The following SLC38A11 variants were observed in gnomAD, a reference collection of about 807,000 sequenced individuals.
SLC38A11 encodes solute carrier family 38 member 11.
Under a neutral mutation model 49.4 loss-of-function variants are expected in SLC38A11, and 51 were observed. That is an observed-to-expected ratio of 1.03 (90% CI 0.83 to 1.30). The LOEUF is 1.30. Ranked by LOEUF, SLC38A11 falls within the 50% of genes most tolerant of loss-of-function variation. The probability of loss-of-function intolerance (pLI) is 0.00; values close to 1 mark genes in which losing one functional copy is unlikely to be tolerated. For missense variants in SLC38A11, 574 were observed against 556.2 expected, an observed-to-expected ratio of 1.03 and a Z score of -0.32; for synonymous variants, 203 against 192.9, an observed-to-expected ratio of 1.05 and a Z score of -0.43.
At chr2:164,944,927 G>A (rs965788512) in intron 4 of SLC38A11, among the ~76,000 whole-genome samples, 1 of 152,110 alleles carries the variant, frequency 6.6e-6, no homozygotes, top group Non-Finnish European at 1.5e-5. Context: ...TGTTGTTAAA[G>A]TTCAGTTTCC....
chr2:164,944,639 A>G lies in SLC38A11; in HGVS notation c.365-5T>C. The G allele has an allele frequency of 8.4e-7, 1 of 1,186,208 alleles. No individual in the cohort carries two copies. The allele number at this position is 1,186,208 out of a possible 1,614,324, so 73.5% of individuals were successfully genotyped here. ...TTATATTGTAACTTATCATTGCTAA[A>G]AACATAATTAAAATAAGAGTCATCA... On this transcript the variant is annotated splice_region_variant and splice_polypyrimidine_tract_variant and intron_variant, in intron 4 of 11. Transcript: ENST00000685975.
chr2:164,902,696 A>T (rs1684738669), intron 11 of SLC38A11, among the ~76,000 whole-genome samples: 1 of 152,126 alleles, frequency 6.6e-6, no homozygotes. Flanking sequence ...CACACCAGTT[A>T]ATAAAATTAC....
chr2:164,937,226 C>G (rs1687431134), intron 7 of SLC38A11, 124 bp downstream of exon 7: 1 of 678,722 alleles, frequency 1.5e-6, no homozygotes, highest in Non-Finnish European at 2.5e-6. Flanking sequence ...CTCATTTTGT[C>G]AAATACCAAA....
intron 11 of SLC38A11, among the ~76,000 whole-genome samples, chr2:164,904,761 A>G (rs1372005545): frequency 1.3e-5 from 2 of 152,172 alleles, no homozygotes; most frequent in African/African-American, 2.4e-5. Context: ...AAGTCTATCC[A>G]TATGTATCAT....
At position 164,955,305 on chromosome 2, in the gene SLC38A11, C is replaced by A; in HGVS notation, c.-58G>T. On this transcript the variant is annotated 5_prime_UTR_variant, in exon 1 of 12. Coordinates refer to ENST00000685975, the MANE Select transcript of SLC38A11 (RefSeq NM_001351537.2). The stretch of plus-strand genomic sequence containing the variant: ...GCTGGGGCTGGGTACGGATTCGCAC[C>A]CGGCCAGCCTCCTCCGCCACCTCGC... 1.3e-6 allele frequency: 2 copies of A among 1,490,760 alleles called. No individual in the cohort carries two copies. The highest frequency in any genetic ancestry group is 1.8e-6 in the Non-Finnish European group (2 of 1,092,696). 92.3% of individuals were successfully genotyped at this position (1,490,760 alleles called of 1,614,324 possible).
chr2:164,908,670 A>G lies in SLC38A11; in HGVS notation c.1065T>C (p.Ile355=), dbSNP rs201404860. 6.2e-7 allele frequency: 1 copy of G among 1,605,730 alleles called. No homozygotes were observed. The highest frequency in any genetic ancestry group is 8.5e-7 in the Non-Finnish European group (1 of 1,175,490). The change falls in exon 11 of 12, where the codon ATT becomes ATC. Residue 355 remains isoleucine, a synonymous_variant. Transcript: ENST00000685975. The part of the protein sequence containing the change: ...ITVATLVSLL[I]DCLGIVLELN... ...GTTCTAGAACTATCCCGAGGCAATC[A>G]ATCAGCAATGACACAAGCGTGGCTA...
intron 7 of SLC38A11, among the ~76,000 whole-genome samples, chr2:164,933,625 C>T (rs1687160203): frequency 6.6e-6 from 1 of 151,980 alleles, no homozygotes; most frequent in African/African-American, 2.4e-5. Flanking sequence ...AGATCTTTTT[C>T]AAACACCACT....
intron 7 of SLC38A11, among the ~76,000 whole-genome samples, chr2:164,926,577 A>G (rs981863842): frequency 6.6e-6 from 1 of 151,870 alleles, no homozygotes; most frequent in African/African-American, 2.4e-5. Flanking sequence ...TGTTTACTGC[A>G]ACACTATTCA....
chr2:164,927,347 T>C (rs1164790547), intron 7 of SLC38A11, among the ~76,000 whole-genome samples: 1 of 152,194 alleles, frequency 6.6e-6, no homozygotes, highest in Non-Finnish European at 1.5e-5. Context: ...TTTGTTACTG[T>C]AGCATAGAAA....
At chr2:164,926,704 T>G (rs1686613861) in intron 7 of SLC38A11, among the ~76,000 whole-genome samples, 1 of 151,968 alleles carries the variant, frequency 6.6e-6, no homozygotes, top group South Asian at 2.1e-4. Context: ...TGAGTTCATG[T>G]CCTTTGTAGG....
intron 7 of SLC38A11, among the ~76,000 whole-genome samples, chr2:164,924,830 G>A (rs903690319): frequency 6.6e-6 from 1 of 152,056 alleles, no homozygotes; most frequent in Non-Finnish European, 1.5e-5. Context: ...TGCCTCCTGG[G>A]TTCACGCCAT....
intron 4 of SLC38A11, 35 bp downstream of exon 4, chr2:164,945,558 C>T: frequency 2.6e-6 from 4 of 1,563,026 alleles, no homozygotes; most frequent in Non-Finnish European, 3.4e-6. Context: ...TGCTTATGCA[C>T]ATAATTGCAA....
At chr2:164,911,205 C>T (rs553270531) in intron 10 of SLC38A11, among the ~76,000 whole-genome samples, 31 of 152,140 alleles carry the variant, frequency 2.0e-4, no homozygotes, top group Non-Finnish European at 1.5e-5. Flanking sequence ...GTAGATTCTA[C>T]AGTGCCTTTA....
intron 7 of SLC38A11, among the ~76,000 whole-genome samples, chr2:164,930,947 G>T (rs541315198): frequency 1.8e-4 from 27 of 152,114 alleles, no homozygotes. Context: ...ATGCAAATAA[G>T]TAGAGAGGAA....
At chr2:164,927,497 C>T (rs1156691776) in intron 7 of SLC38A11, among the ~76,000 whole-genome samples, 1 of 151,984 alleles carries the variant, frequency 6.6e-6, no homozygotes, top group Non-Finnish European at 1.5e-5. Context: ...CAAAGGAGGG[C>T]CTTTATTTTT....
intron 7 of SLC38A11, among the ~76,000 whole-genome samples, chr2:164,920,947 T>C (rs1278481103): frequency 6.6e-6 from 1 of 151,118 alleles, no homozygotes; most frequent in Non-Finnish European, 1.5e-5. Flanking sequence ...GTAACAAAAA[T>C]GATCAAATTC....
intron 9 of SLC38A11, among the ~76,000 whole-genome samples, chr2:164,914,247 G>T (rs941328722): frequency 6.6e-6 from 1 of 151,966 alleles, no homozygotes; most frequent in African/African-American, 2.4e-5. Context: ...TAATAGACCT[G>T]CAAGAGCTGT....
At chr2:164,925,069 G>T (rs1686474588) in intron 7 of SLC38A11, among the ~76,000 whole-genome samples, 1 of 152,144 alleles carries the variant, frequency 6.6e-6, no homozygotes, top group Non-Finnish European at 1.5e-5. Flanking sequence ...TTTAAAATAT[G>T]AATCATATAA....
At chr2:164,913,169 T>A (rs116286256) in intron 9 of SLC38A11, among the ~76,000 whole-genome samples, 2,374 of 151,818 alleles carry the variant, frequency 0.016, 60 homozygotes, top group African/African-American at 0.055. Context: ...CTCTCACCCC[T>A]CCCCCCATCA....
Sources: gnomAD v4.1 joint callset for allele counts (sites outside exome capture counted in the v4.1 genomes callset) on GRCh38, gnomAD v4.1.1 for gene constraint, MANE v1.5 for transcripts, NCBI Gene and HGNC (gene_info 2026-07-23, HGNC 2026-07-21) for gene names.